TASOR: variants seen among roughly 807,000 people sequenced by gnomAD.
The protein encoded by TASOR is protein TASOR.
In TASOR, 53 loss-of-function variants were observed where a neutral mutation model predicts 178.6. The ratio of observed to expected loss-of-function variants is 0.30; its 90% confidence interval spans 0.24 to 0.37. TASOR has a LOEUF of 0.37. Among genes scored for constraint, TASOR ranks in the 10% least tolerant of loss-of-function variants. The pLI is 1.00. For missense variants in TASOR, 1,815 were observed against 1,971.4 expected (o/e 0.92, Z 1.50); for synonymous variants, 713 against 696.2 (o/e 1.02, Z -0.38).
chr3:56,632,089 T>C (rs1260493055), intron 18 of TASOR, among the ~76,000 whole-genome samples: 1 of 152,228 alleles, frequency 6.6e-6, no homozygotes, highest in Non-Finnish European at 1.5e-5. Context: ...CCTGGGCAGT[T>C]TGTTTTTCTA....
intron 11 of TASOR, among the ~76,000 whole-genome samples, chr3:56,654,761 T>C (rs1030550205): frequency 1.3e-5 from 2 of 152,186 alleles, no homozygotes; most frequent in African/African-American, 4.8e-5. Flanking sequence ...ATGTCAACTG[T>C]TCCCTGCCTT....
Position 56,624,916 on chromosome 3 carries a change from A to G in TASOR, c.4230T>C (p.Asp1410=), listed in dbSNP as rs757757142. The G allele has an allele frequency of 6.2e-7, 1 of 1,614,182 alleles. No individual in the cohort carries two copies. Among genetic ancestry groups the G allele is most frequent in the Non-Finnish European group, 8.5e-7 (1 of 1,180,006 alleles). Residue 1410 remains aspartate (D), a synonymous_variant, in exon 22 of 24, where the codon GAT becomes GAC. Coordinates refer to ENST00000683822, the MANE Select transcript of TASOR (RefSeq NM_001365635.2). ...ATTCTGGAGCATTTCGAGTTTGTGAATCACAATTGTGGTATGACAAAATTT... is the reference window on the plus strand; with the variant it reads ...ATTCTGGAGCATTTCGAGTTTGTGAGTCACAATTGTGGTATGACAAAATTT... ...LVEILSYHNC[D]SQTRNAPELD...
rs773952046 is a variant in TASOR, at chr3:56,633,514, A to G, written c.3277T>C (p.Ser1093Pro). The G allele has an allele frequency of 6.2e-7, 1 of 1,614,200 alleles. No individual in the cohort carries two copies. Among genetic ancestry groups the G allele is most frequent in the Non-Finnish European group, 8.5e-7 (1 of 1,180,036 alleles). Residue 1093 changes from serine (S) to proline (P), a missense_variant, in exon 18 of 24, where the codon TCA (serine) becomes CCA (proline). By Grantham distance (74) the Ser-to-Pro change is moderately conservative. Around this residue, in one of 5 missense-constraint regions of TASOR, gnomAD observed 655 missense variants for 671.1 expected, o/e 0.98. Coordinates refer to ENST00000683822, the MANE Select transcript of TASOR (RefSeq NM_001365635.2). ...GGTGGCAAATTCCCACCCTTGGCTG[A>G]TGCTTTAATAATAATAGTATTTAGC... The part of the protein sequence containing the change: ...EKLNTIIIKA[S>P]AKGGNLPPVS...
At chr3:56,648,471 T>C (rs764065744) in intron 13 of TASOR, among the ~76,000 whole-genome samples, 4 of 150,308 alleles carry the variant, frequency 2.7e-5, no homozygotes, top group Non-Finnish European at 5.9e-5. Context: ...CTACTAAAAA[T>C]ACAAAAAAAT....
intron 1 of TASOR, among the ~76,000 whole-genome samples, chr3:56,682,356 G>A (rs2031869787): frequency 6.6e-6 from 1 of 152,210 alleles, no homozygotes; most frequent in East Asian, 1.9e-4. Context: ...AGGACACAAC[G>A]GCTTCTCTGC....
At chr3:56,661,261 C>G (rs41276467) in intron 9 of TASOR, among the ~76,000 whole-genome samples, 7,461 of 152,248 alleles carry the variant, frequency 0.049, 187 homozygotes, top group East Asian at 0.091. Context: ...ATTCTCCCAC[C>G]TCAACCTCCA....
chr3:56,655,045 G>A (rs2107598000), intron 11 of TASOR, among the ~76,000 whole-genome samples: 1 of 152,246 alleles, frequency 6.6e-6, no homozygotes, highest in South Asian at 2.1e-4. Context: ...CAAAAATACT[G>A]TGTGACCAGA....
At chr3:56,672,874 T>C (rs1159580179) in intron 2 of TASOR, among the ~76,000 whole-genome samples, 1 of 152,234 alleles carries the variant, frequency 6.6e-6, no homozygotes, top group Non-Finnish European at 1.5e-5. Context: ...TCACCCAGGC[T>C]TGAGTGCAGT....
Position 56,668,656 on chromosome 3 carries a change from T to A in TASOR, c.736-98A>T, listed in dbSNP as rs536989973. 2.4e-5 allele frequency: 22 copies of A among 919,332 alleles called. No individual in the cohort carries two copies. In the East Asian group the frequency reaches 4.8e-4, roughly 20 times the overall value. The allele number at this position is 919,332 out of a possible 1,614,324, so 56.9% of individuals were successfully genotyped here. A position where few individuals can be genotyped will look rare whatever the true frequency, so the allele number is the denominator to read the frequency against. On this transcript the variant is annotated intron_variant, in intron 5 of 23. Transcript: ENST00000683822. ...TACTTCTTTGAATATAGATCAACTA[T>A]CCCAACCATTTTTTCCCTTTAATAT...
At chr3:56,628,677 C>A in intron 18 of TASOR, 63 bp from the exon 19 acceptor site, 1 of 1,130,324 alleles carries the variant, frequency 8.8e-7, no homozygotes, top group East Asian at 2.5e-5. Context: ...AATTTAACAC[C>A]AGAAATGCAA....
rs1289151396 is a variant in TASOR, at chr3:56,620,489, A to ATACTC, written c.*2543_*2547dup. On this transcript the variant is annotated 3_prime_UTR_variant, in exon 24 of 24. Coordinates refer to ENST00000683822, the MANE Select transcript of TASOR (RefSeq NM_001365635.2). ...GCTGTAGTTAGTTTTGATTCACTAT[A>ATACTC]TACTCTCTGTACTTGAGGAAGAGTA... 2.0e-5 allele frequency: 3 copies of ATACTC among 152,312 alleles called. No individual in the cohort carries two copies. The highest frequency in any genetic ancestry group is 7.2e-5 in the African/African-American group (3 of 41,428). 9.4% of individuals were successfully genotyped at this position (152,312 alleles called of 1,614,324 possible).
intron 14 of TASOR, among the ~76,000 whole-genome samples, chr3:56,644,824 CA>C (rs1298552838): frequency 6.6e-6 from 1 of 152,134 alleles, no homozygotes; most frequent in Non-Finnish European, 1.5e-5. Flanking sequence ...AAAGTAATGT[CA>C]AATAGAACTT....
At position 56,643,262 on chromosome 3, in the gene TASOR, TA is replaced by T. The variant is rs71621833; in HGVS notation, c.2216-1511del. 3.0e-3 allele frequency among the ~76,000 whole-genome samples: 408 copies of T among 138,086 alleles called. 1 individual carries two copies. The highest frequency in any genetic ancestry group is 7.6e-3 in the Middle Eastern group (2 of 264). The allele number at this position is 138,086 out of a possible 152,430, so 90.6% of individuals were successfully genotyped here. A position where few individuals can be genotyped will look rare whatever the true frequency, so the allele number is the denominator to read the frequency against. On this transcript the variant is annotated intron_variant, in intron 14 of 23. Coordinates refer to ENST00000683822, the MANE Select transcript of TASOR (RefSeq NM_001365635.2). ...TGGAAGACAGAGTAAGACTCCATCT[TA>T]AAAAAAAAAAAAAGTTCTATATATT...
rs1300868495 is a variant in TASOR, at chr3:56,621,391, A to G, written c.*1646T>C. On this transcript the variant is annotated 3_prime_UTR_variant, in exon 24 of 24. Transcript: ENST00000683822. ...TATCCAAATGAGGTGGTCTAGTACA[A>G]GCATTTCTGAAAAAATTTTTGAATG... 1.9e-6 allele frequency: 1 copy of G among 528,654 alleles called. No homozygotes were observed. The highest frequency in any genetic ancestry group is 3.4e-6 in the Non-Finnish European group (1 of 296,368). 32.7% of individuals were successfully genotyped at this position (528,654 alleles called of 1,614,324 possible). A position where few individuals can be genotyped will look rare whatever the true frequency, so the allele number is the denominator to read the frequency against.
intron 13 of TASOR, among the ~76,000 whole-genome samples, chr3:56,648,037 G>GA (rs1022429433): frequency 4.6e-4 from 67 of 146,126 alleles, no homozygotes; most frequent in East Asian, 2.2e-3. Flanking sequence ...TGCTTCTAAA[G>GA]AAAAAAAAAA....
rs574029240 is a variant in TASOR at position 56,627,383 on chromosome 3, G to A, written c.4030+199C>T. On this transcript the variant is annotated intron_variant, in intron 20 of 23. Coordinates refer to ENST00000683822, the MANE Select transcript of TASOR (RefSeq NM_001365635.2). Reference sequence around the variant, plus strand: ...TACAAGAAGTGATTCAACTGCAGCAGGGGCAGACAGCCTTGCTTTACACCA... The same window carrying A: ...TACAAGAAGTGATTCAACTGCAGCAAGGGCAGACAGCCTTGCTTTACACCA... Among the ~76,000 whole-genome samples, 11 of 152,316 alleles carry A rather than the reference G, an allele frequency of 7.2e-5. 1 individual carries two copies. In the South Asian group the frequency reaches 2.3e-3, roughly 32 times the overall value.
In TASOR at chr3:56,682,144, G is replaced by C. The variant is rs1016032023; in HGVS notation, c.331+532C>G. ...GTGATGGAAAACAGCAGTGTGCATG[G>C]ATCACATCTACTAATAGAGATTTCT... On this transcript the variant is annotated intron_variant, in intron 1 of 23. Coordinates refer to ENST00000683822, the MANE Select transcript of TASOR (RefSeq NM_001365635.2). 3.3e-5 allele frequency among the ~76,000 whole-genome samples: 5 copies of C among 152,192 alleles called. No individual in the cohort carries two copies. The East Asian group carries it at 7.7e-4, about 23-fold the overall frequency.
intron 17 of TASOR, 34 bp from the exon 18 acceptor site, chr3:56,634,000 T>A (rs1178794581): frequency 3.5e-6 from 5 of 1,445,534 alleles, no homozygotes; most frequent in Admixed American, 5.5e-5. Context: ...ATAAGAGCAA[T>A]CCAAAAAGAT....
intron 13 of TASOR, 131 bp downstream of exon 13, chr3:56,648,691 T>A: frequency 1.3e-5 from 5 of 390,496 alleles, no homozygotes; most frequent in Non-Finnish European, 2.0e-5. Flanking sequence ...ATATTGCTAA[T>A]ACCTCTTAAC....
Sources: gnomAD v4.1 joint callset for allele counts (sites outside exome capture counted in the v4.1 genomes callset) on GRCh38, gnomAD v4.1.1 for gene constraint, gnomAD v4.1.1 regional missense constraint, MANE v1.5 for transcripts, NCBI Gene and HGNC (gene_info 2026-07-23, HGNC 2026-07-21) for gene names.